Variants in ABTB3 observed in about 807,000 individuals in gnomAD.
ABTB3 encodes the protein ankyrin repeat- and BTB/POZ domain-containing protein 3.
At chr12:107,375,035 A>G in the ABTB3 span, among the ~76,000 whole-genome samples, 1 of 152,170 alleles carries the variant, frequency 6.6e-6, no homozygotes, top group African/African-American at 2.4e-5. Context: ...CAACACACAG[A>G]GAAAACATTT....
the ABTB3 span, among the ~76,000 whole-genome samples, chr12:107,376,680 C>G: frequency 6.6e-6 from 1 of 152,116 alleles, no homozygotes; most frequent in Non-Finnish European, 1.5e-5. Context: ...TTCTCAGCAC[C>G]GAGAAACAAG....
At chr12:107,386,419 G>T in the ABTB3 span, among the ~76,000 whole-genome samples, 2 of 152,156 alleles carry the variant, frequency 1.3e-5, no homozygotes, top group Admixed American at 6.5e-5. Flanking sequence ...CACAGAGCTT[G>T]GCATATAGTA....
the ABTB3 span, among the ~76,000 whole-genome samples, chr12:107,406,344 C>A: frequency 5.9e-5 from 9 of 152,186 alleles, no homozygotes; most frequent in Non-Finnish European, 1.2e-4. Context: ...ATGGGAGGAT[C>A]GCTTGAGCCT....
the ABTB3 span, among the ~76,000 whole-genome samples, chr12:107,417,381 CT>C: frequency 6.6e-6 from 1 of 152,218 alleles, no homozygotes; most frequent in African/African-American, 2.4e-5. Context: ...TCACCCCAGT[CT>C]CTCTCTCTGT....
At chr12:107,599,177 A>G in the ABTB3 span, among the ~76,000 whole-genome samples, 1 of 152,304 alleles carries the variant, frequency 6.6e-6, no homozygotes, top group East Asian at 1.9e-4. Flanking sequence ...GGTCCACGTC[A>G]TCTAGATATT....
At chr12:107,364,948 G>A in the ABTB3 span, among the ~76,000 whole-genome samples, 1 of 152,142 alleles carries the variant, frequency 6.6e-6, no homozygotes, top group Admixed American at 6.5e-5. Flanking sequence ...TCCCCTGGGA[G>A]GTAGTAGGTG....
At chr12:107,455,094 AC>A in the ABTB3 span, among the ~76,000 whole-genome samples, 4 of 152,204 alleles carry the variant, frequency 2.6e-5, no homozygotes, top group African/African-American at 9.7e-5. Flanking sequence ...CTAGATTAGT[AC>A]TTTCAGTTTA....
chr12:107,599,717 G>A, the ABTB3 span, among the ~76,000 whole-genome samples: 2 of 152,004 alleles, frequency 1.3e-5, no homozygotes, highest in African/African-American at 4.8e-5. Flanking sequence ...ACTTGCTGTT[G>A]TATTACCGCA....
chr12:107,620,126 G>A, the ABTB3 span: 1 of 1,614,208 alleles, frequency 6.2e-7, no homozygotes, highest in Non-Finnish European at 8.5e-7. Flanking sequence ...CGTTACCCAA[G>A]GCCTGCCCCT....
the ABTB3 span, among the ~76,000 whole-genome samples, chr12:107,518,974 T>C: frequency 6.6e-6 from 1 of 152,206 alleles, no homozygotes; most frequent in Non-Finnish European, 1.5e-5. Context: ...AGCTCACTGA[T>C]CATGGGATTA....
the ABTB3 span, among the ~76,000 whole-genome samples, chr12:107,400,997 C>T: frequency 6.6e-6 from 1 of 152,196 alleles, no homozygotes; most frequent in African/African-American, 2.4e-5. Context: ...ACCTCCTACC[C>T]ACATGTGCCA....
chr12:107,520,297 A>G, the ABTB3 span: 2 of 983,676 alleles, frequency 2.0e-6, no homozygotes, highest in African/African-American at 3.5e-5. Context: ...AGGACTTTGA[A>G]GAGACCTTTG....
chr12:107,617,145 C>T, the ABTB3 span: 7 of 1,614,078 alleles, frequency 4.3e-6, no homozygotes, highest in Non-Finnish European at 5.1e-6. Context: ...GCGAGGAGAA[C>T]TACTCGGAAA....
chr12:107,580,907 A>G, the ABTB3 span: 4 of 1,551,318 alleles, frequency 2.6e-6, no homozygotes, highest in Non-Finnish European at 3.5e-6. Context: ...CAGGCTACAG[A>G]TGAGGAAACT....
At chr12:107,395,471 TG>T in the ABTB3 span, among the ~76,000 whole-genome samples, 1 of 152,230 alleles carries the variant, frequency 6.6e-6, no homozygotes, top group Non-Finnish European at 1.5e-5. Flanking sequence ...CCCTGTGCTG[TG>T]TGCACCCCTA....
At chr12:107,570,277 C>T in the ABTB3 span, among the ~76,000 whole-genome samples, 1 of 152,116 alleles carries the variant, frequency 6.6e-6, no homozygotes, top group Non-Finnish European at 1.5e-5. Flanking sequence ...TGCAGTGGTG[C>T]AATCTCGGCT....
chr12:107,359,849 G>A, the ABTB3 span, among the ~76,000 whole-genome samples: 19 of 152,188 alleles, frequency 1.2e-4, no homozygotes, highest in Non-Finnish European at 2.5e-4. Context: ...CTTTCCACTT[G>A]CCTCTGCTCC....
chr12:107,429,969 T>C, the ABTB3 span, among the ~76,000 whole-genome samples: 1 of 152,242 alleles, frequency 6.6e-6, no homozygotes, highest in Non-Finnish European at 1.5e-5. Flanking sequence ...TATTTACTAA[T>C]AAGCATGAAG....
At chr12:107,526,900 T>G in the ABTB3 span, among the ~76,000 whole-genome samples, 1 of 152,288 alleles carries the variant, frequency 6.6e-6, no homozygotes, top group African/African-American at 2.4e-5. Flanking sequence ...TCCCCTGCCT[T>G]CAGCCCCTAG....
Sources: gnomAD v4.1 joint callset for allele counts (sites outside exome capture counted in the v4.1 genomes callset) on GRCh38, gnomAD v4.1.1 for gene constraint, MANE v1.5 for transcripts, NCBI Gene and HGNC (gene_info 2026-07-23, HGNC 2026-07-21) for gene names.